SEC24A: variants seen among roughly 807,000 people sequenced by gnomAD.
SEC24A encodes protein transport protein Sec24A.
Under a neutral mutation model 129.4 loss-of-function variants are expected in SEC24A, and 93 were observed. The observed-to-expected ratio is 0.72, with a 90% CI of 0.61 to 0.85. SEC24A has a LOEUF of 0.85. Ranked by LOEUF, SEC24A falls within the 40% of genes least tolerant of loss-of-function variation. The probability of loss-of-function intolerance (pLI) is 0.00; values close to 1 mark genes in which losing one functional copy is unlikely to be tolerated. For missense variants in SEC24A, 1,264 were observed against 1,307.4 expected (o/e 0.97, Z 0.51); for synonymous variants, 460 against 467.3 (o/e 0.98, Z 0.20).
intron 5 of SEC24A, 74 bp downstream of exon 5, chr5:134,674,849 G>A (rs1046460597): frequency 1.4e-5 from 18 of 1,333,104 alleles, no homozygotes; most frequent in Admixed American, 7.0e-5. Context: ...GAAAGTTTTA[G>A]GAAGGTATAT....
chr5:134,660,734 T>C (rs1012529781), intron 1 of SEC24A, among the ~76,000 whole-genome samples: 1 of 152,076 alleles, frequency 6.6e-6, no homozygotes, highest in Non-Finnish European at 1.5e-5. Flanking sequence ...TTTTGTTTTT[T>C]TTTATAGGCA....
intron 5 of SEC24A, 86 bp downstream of exon 5, chr5:134,674,861 A>G (rs1751003718): frequency 8.2e-7 from 1 of 1,221,346 alleles, no homozygotes; most frequent in African/African-American, 1.5e-5. Context: ...AAGGTATATT[A>G]TACATTTTTA....
chr5:134,693,224 A>C (rs746288108), intron 12 of SEC24A: 1 of 1,496,390 alleles, frequency 6.7e-7, no homozygotes, highest in African/African-American at 1.4e-5. Context: ...TGACTGTGCC[A>C]TAGTGCGAAG....
At chr5:134,724,434 C>G (rs1354345878) in intron 22 of SEC24A, among the ~76,000 whole-genome samples, 1 of 152,008 alleles carries the variant, frequency 6.6e-6, no homozygotes, top group Non-Finnish European at 1.5e-5. Flanking sequence ...ACTAAAAATA[C>G]AAAATTAGCC....
intron 1 of SEC24A, among the ~76,000 whole-genome samples, chr5:134,650,537 CTTT>C (rs891812570): frequency 7.1e-6 from 1 of 141,208 alleles, no homozygotes; most frequent in African/African-American, 2.6e-5. Flanking sequence ...TGTTCCACAT[CTTT>C]TTTTTTTTTT....
chr5:134,674,634 C>G lies in SEC24A; in HGVS notation c.837C>G (p.Asn279Lys). ...GGLLATPQLT[N>K]KNPKMSRSVG... ...TTCTAGCAACACCACAGCTTACTAA[C>G]AAGAATCCCAAAATGAGCCGAAGTG... The change falls in exon 5 of 23, where the codon AAC becomes AAG. Residue 279 changes from asparagine to lysine, a missense_variant. By Grantham distance (94) the Asn-to-Lys change is moderately conservative. Coordinates refer to ENST00000398844, the MANE Select transcript of SEC24A (RefSeq NM_021982.3). 2 of 1,613,576 alleles carry G rather than the reference C, an allele frequency of 1.2e-6. No homozygotes were observed. The highest frequency in any genetic ancestry group is 1.7e-6 in the Non-Finnish European group (2 of 1,179,694).
intron 4 of SEC24A, among the ~76,000 whole-genome samples, chr5:134,674,276 T>A (rs945388068): frequency 6.6e-6 from 1 of 152,220 alleles, no homozygotes; most frequent in Non-Finnish European, 1.5e-5. Flanking sequence ...CTATAACTTA[T>A]TAGATTTATG....
rs543740945 is a variant in SEC24A at position 134,714,936 on chromosome 5, A to G, written c.2728-88A>G. On this transcript the variant is annotated intron_variant, in intron 18 of 22. Transcript: ENST00000398844. ...GTAAATTTGTGAATTCTCTCTGAAA[A>G]TATTCTTTTAACAACTGGCATTTTA... 5.3e-6 allele frequency: 7 copies of G among 1,330,462 alleles called. No individual in the cohort carries two copies. In the African/African-American group the frequency reaches 7.5e-5, roughly 14 times the overall value. The allele number at this position is 1,330,462 out of a possible 1,614,324, so 82.4% of individuals were successfully genotyped here.
Position 134,675,956 on chromosome 5 carries a change from C to T in SEC24A, c.1152-67C>T, listed in dbSNP as rs902275687. ...GTATTAAAATGTATACCTTTTAAAT[C>T]TTTGTTGTTGTTTTCTTCAAAAATA... On this transcript the variant is annotated intron_variant, in intron 6 of 22. Coordinates refer to ENST00000398844, the MANE Select transcript of SEC24A (RefSeq NM_021982.3). 3 of 1,115,208 alleles carry T rather than the reference C, an allele frequency of 2.7e-6. No individual in the cohort carries two copies. The African/African-American group carries it at 4.8e-5, about 18-fold the overall frequency. The allele number at this position is 1,115,208 out of a possible 1,614,324, so 69.1% of individuals were successfully genotyped here.
At chr5:134,673,561 A>G (rs1473377164) in intron 4 of SEC24A, among the ~76,000 whole-genome samples, 1 of 151,842 alleles carries the variant, frequency 6.6e-6, no homozygotes, top group African/African-American at 2.4e-5. Flanking sequence ...GGATTCAAGC[A>G]GTTCTACCAC....
In SEC24A at chr5:134,693,815, C is replaced by T; in HGVS notation, c.1868C>T (p.Ala623Val). Residue 623 changes from alanine (A) to valine (V), a missense_variant, in exon 13 of 23, where the codon GCC becomes GTC. Physicochemically the swap from Ala to Val is moderately conservative, Grantham distance 64 (BLOSUM62 0). Coordinates refer to ENST00000398844, the MANE Select transcript of SEC24A (RefSeq NM_021982.3). ...GCCTTGGGTCCTGCACTGCAGGCTG[C>T]CTTTAAGCTGATGTCTCCAACTGGT... Reference protein sequence around the residue: ...QSALGPALQAAFKLMSPTGGR... With the variant: ...QSALGPALQAVFKLMSPTGGR... The T allele has an allele frequency of 6.2e-7, 1 of 1,614,120 alleles. No individual in the cohort carries two copies. The highest frequency in any genetic ancestry group is 8.5e-7 in the Non-Finnish European group (1 of 1,180,012).
intron 3 of SEC24A, among the ~76,000 whole-genome samples, chr5:134,670,185 A>C (rs1750809207): frequency 6.6e-6 from 1 of 152,166 alleles, no homozygotes; most frequent in Non-Finnish European, 1.5e-5. Flanking sequence ...CTTGGCTCCC[A>C]AAGTGCTGGG....
chr5:134,703,831 A>G lies in SEC24A; in HGVS notation c.2339A>G (p.Asn780Ser), dbSNP rs759324570. 3.7e-6 allele frequency: 6 copies of G among 1,613,350 alleles called. No individual in the cohort carries two copies. The highest frequency in any genetic ancestry group is 5.1e-6 in the Non-Finnish European group (6 of 1,179,466). ...STDLLSLPNVNPDAGYAVQMS... is the reference protein window; with the variant it reads ...STDLLSLPNVSPDAGYAVQMS... ...GACTTACTGTCTTTGCCTAACGTCA[A>G]CCCAGACGCTGGGTATGCAGTACAG... The change falls in exon 16 of 23, where the codon AAC becomes AGC. Residue 780 changes from asparagine (N) to serine (S), a missense_variant. Physicochemically the swap from Asn to Ser is conservative, Grantham distance 46. Transcript: ENST00000398844.
chr5:134,724,322 C>T (rs1360912222), intron 22 of SEC24A, among the ~76,000 whole-genome samples: 2 of 152,186 alleles, frequency 1.3e-5, no homozygotes, highest in African/African-American at 4.8e-5. Context: ...GGCGCGGTGG[C>T]TCATGCCTGT....
At chr5:134,708,948 G>A in intron 18 of SEC24A, 60 bp downstream of exon 18, 5 of 1,504,602 alleles carry the variant, frequency 3.3e-6, no homozygotes, top group Non-Finnish European at 4.5e-6. Flanking sequence ...GCCTACACCT[G>A]CAATCCCAGC....
Position 134,718,042 on chromosome 5 carries a change from C to T in SEC24A, c.2866-27C>T, listed in dbSNP as rs1330450189. 3.2e-6 allele frequency: 5 copies of T among 1,550,090 alleles called. No homozygotes were observed. In the African/African-American group the frequency reaches 6.8e-5, roughly 21 times the overall value. On this transcript the variant is annotated intron_variant, in intron 19 of 22. Transcript: ENST00000398844. ...GACTCCATATTTCCTATATTTAAAA[C>T]CTTTACTCTTTTACTTAATTCCTCA...
chr5:134,688,432 T>C (rs1322200387), intron 11 of SEC24A, 133 bp downstream of exon 11: 1 of 629,578 alleles, frequency 1.6e-6, no homozygotes. Flanking sequence ...TTGTTGGAGT[T>C]GTAAGAGTCT....
chr5:134,703,219 T>C (rs1377243942), intron 15 of SEC24A, among the ~76,000 whole-genome samples: 4 of 152,192 alleles, frequency 2.6e-5, no homozygotes, highest in African/African-American at 9.7e-5. Flanking sequence ...AAAGTCAAAA[T>C]AAGTATCTAG....
At chr5:134,654,095 G>A (rs541660306) in intron 1 of SEC24A, among the ~76,000 whole-genome samples, 7 of 151,732 alleles carry the variant, frequency 4.6e-5, no homozygotes, top group African/African-American at 1.7e-4. Flanking sequence ...GGAGGTTAAG[G>A]CTGCAATGAG....
Sources: allele counts gnomAD v4.1 joint callset (sites outside exome capture counted in the v4.1 genomes callset), GRCh38; gene constraint gnomAD v4.1.1; transcripts MANE v1.5; gene names NCBI Gene and HGNC (gene_info 2026-07-23, HGNC 2026-07-21).